The following CCNB3 variants were observed in gnomAD, a reference collection of about 807,000 sequenced individuals.
CCNB3 encodes the protein cyclin B3.
In CCNB3, 12 loss-of-function variants were observed where a neutral mutation model predicts 68.0. The observed-to-expected ratio is 0.18, with a 90% CI of 0.11 to 0.29. The LOEUF is 0.29. Ranked by LOEUF, CCNB3 falls within the 10% of genes least tolerant of loss-of-function variation. CCNB3 has a pLI of 1.00. For synonymous variants in CCNB3, 354 were observed against 388.9 expected (o/e 0.91, Z 1.06); for missense variants, 904 against 993.1 (o/e 0.91, Z 1.21).
intron 1 of CCNB3, among the ~76,000 whole-genome samples, chrX:50,226,202 A>C (rs1388215085): frequency 3.3e-4 from 22 of 65,798 alleles, no homozygotes; most frequent in African/African-American, 1.5e-3. Context: ...TATATATAGA[A>C]TATATATATT....
chrX:50,311,436 T>A lies in CCNB3; in HGVS notation c.3267T>A (p.Ser1089Arg). Residue 1089 changes from serine to arginine, a missense_variant, in exon 6 of 13, where the codon AGT becomes AGA. Physicochemically the swap from Ser to Arg is moderately radical, Grantham distance 110. Transcript: ENST00000376042. The stretch of plus-strand genomic sequence containing the variant: ...AGTCCAGGACCACCACCGAGTCCAG[T>A]GCATGTGAATCTGCTTCTGATAAAC... ...VGKSRTTTES[S>R]ACESASDKPV... 1 of 1,209,975 alleles carries A rather than the reference T, an allele frequency of 8.3e-7. No homozygotes were observed.
At chrX:50,319,587 C>T (rs1306186112) in intron 8 of CCNB3, among the ~76,000 whole-genome samples, 2 of 110,722 alleles carry the variant, frequency 1.8e-5, no homozygotes, top group Non-Finnish European at 3.8e-5. Flanking sequence ...TTCTAATCTC[C>T]ATGCTTTTTA....
intron 11 of CCNB3, among the ~76,000 whole-genome samples, chrX:50,348,109 G>A (rs1923495270): frequency 9.0e-6 from 1 of 111,005 alleles, no homozygotes; most frequent in Non-Finnish European, 1.9e-5. Flanking sequence ...TTCCCCTCTT[G>A]CCTCTTGCAA....
Position 50,309,620 on chromosome X carries a change from C to A in CCNB3, c.1451C>A (p.Pro484His). 8.3e-7 allele frequency: 1 copy of A among 1,211,154 alleles called. No homozygotes were observed. Among genetic ancestry groups the A allele is most frequent in the Non-Finnish European group, 1.1e-6 (1 of 895,332 alleles). The change falls in exon 6 of 13, where the codon CCC becomes CAC. Residue 484 changes from proline to histidine, a missense_variant. Transcript: ENST00000376042. The part of the protein sequence containing the change: ...TKKCTIEEAP[P>H]TKKPLILKRK... ...AAGTGTACCATTGAGGAGGCACCCC[C>A]CACCAAGAAGCCTTTAATTTTAAAG... is the stretch of plus-strand genomic sequence containing the variant.
Position 50,228,607 on chromosome X carries a change from G to A in CCNB3, c.-113+23657G>A, listed in dbSNP as rs1348961445. Among the ~76,000 whole-genome samples, 7 of 79,589 alleles carry A rather than the reference G, an allele frequency of 8.8e-5. No individual in the cohort carries two copies. The East Asian group carries it at 2.2e-3, about 25-fold the overall frequency. The allele number at this position is 79,589 out of a possible 115,157, so 69.1% of individuals were successfully genotyped here. On this transcript the variant is annotated intron_variant, in intron 1 of 12. Coordinates refer to ENST00000376042, the MANE Select transcript of CCNB3 (RefSeq NM_033031.3). ...ATATAGAATATAGATAATATATATA[G>A]AATATATAGAATATATATAGAATAT...
intron 9 of CCNB3, among the ~76,000 whole-genome samples, chrX:50,344,855 G>A (rs1291173389): frequency 1.8e-5 from 2 of 111,477 alleles, no homozygotes; most frequent in Non-Finnish European, 3.8e-5. Flanking sequence ...CCTTCCTTAG[G>A]TGCTAACTGA....
In CCNB3 at chrX:50,312,758, A is replaced by G. The variant is rs549265627; in HGVS notation, c.3423+126A>G. The stretch of plus-strand genomic sequence containing the variant: ...AAAAATAATAATAGCAACAACTAAC[A>G]TATTGGTAGCTTACTGTGAGTTGGA... On this transcript the variant is annotated intron_variant, in intron 7 of 12. Transcript: ENST00000376042. 1.0e-4 allele frequency: 47 copies of G among 465,675 alleles called. No homozygotes were observed. In the South Asian group the frequency reaches 1.6e-3, roughly 16 times the overall value. The allele number at this position is 465,675 out of a possible 1,213,427, so 38.4% of individuals were successfully genotyped here. A position where few individuals can be genotyped will look rare whatever the true frequency, so the allele number is the denominator to read the frequency against.
At chrX:50,219,086 T>C (rs1935629361) in intron 1 of CCNB3, among the ~76,000 whole-genome samples, 3 of 112,184 alleles carry the variant, frequency 2.7e-5, no homozygotes, top group Non-Finnish European at 5.6e-5. Flanking sequence ...AAGTGTCTGT[T>C]CATATCCTTT....
chrX:50,207,161 A>G (rs76638387), intron 1 of CCNB3, among the ~76,000 whole-genome samples: 2 of 111,945 alleles, frequency 1.8e-5, no homozygotes, highest in Non-Finnish European at 3.8e-5. Context: ...AGATATGTAT[A>G]GGTTCAAGGA....
At chrX:50,291,874 T>C (rs974846379) in intron 4 of CCNB3, among the ~76,000 whole-genome samples, 1 of 111,967 alleles carries the variant, frequency 8.9e-6, no homozygotes, top group Non-Finnish European at 1.9e-5. Context: ...CCTATTGGAC[T>C]GTAGTTGTTT....
upstream of CCNB3, among the ~76,000 whole-genome samples, chrX:50,204,302 G>T (rs1935312356): frequency 9.0e-6 from 1 of 111,728 alleles, no homozygotes; most frequent in African/African-American, 3.3e-5. Context: ...CACCTGGAGG[G>T]CTTCAGTTTC....
At position 50,298,040 on chromosome X, in the gene CCNB3, A is replaced by G. The variant is rs1209457509; in HGVS notation, c.335+3047A>G. On this transcript the variant is annotated intron_variant, in intron 5 of 12. Coordinates refer to ENST00000376042, the MANE Select transcript of CCNB3 (RefSeq NM_033031.3). ...CTTAAGGAGATTTTGGGCTGAGACA[A>G]TGGGGTTTTCTAGATATACAATCAT... Among the ~76,000 whole-genome samples, 32 of 111,693 alleles carry G rather than the reference A, an allele frequency of 2.9e-4. No homozygotes were observed. In the Admixed American group the frequency reaches 3.0e-3, roughly 11 times the overall value.
intron 8 of CCNB3, among the ~76,000 whole-genome samples, chrX:50,326,891 G>A (rs887541458): frequency 2.7e-5 from 3 of 112,102 alleles, no homozygotes; most frequent in African/African-American, 9.7e-5. Context: ...TGATCTTTGA[G>A]TTTTGGAATT....
chrX:50,310,995 G>A lies in CCNB3; in HGVS notation c.2826G>A (p.Glu942=), dbSNP rs781888534. ...ATGAGAAACCCACCACTGGGAAGGA[G>A]TTGTCCTTCAAGGAGCCATTAGCCT... ...ALNEKPTTGK[E]LSFKEPLALQ... is the part of the protein sequence containing the mutation. The change falls in exon 6 of 13, where the codon GAG becomes GAA. Residue 942 remains glutamate (E), a synonymous_variant. Transcript: ENST00000376042. 1.7e-5 allele frequency: 20 copies of A among 1,211,443 alleles called. No homozygotes were observed. The South Asian group carries it at 3.0e-4, about 18-fold the overall frequency.
chrX:50,280,151 AAT>A (rs1936101485), intron 1 of CCNB3, among the ~76,000 whole-genome samples: 1 of 93,477 alleles, frequency 1.1e-5, no homozygotes, highest in South Asian at 4.5e-4. Context: ...ATATATATAG[AAT>A]ATATATAAAT....
rs201056254 is a variant in CCNB3 at position 50,345,570 on chromosome X, A to G, written c.3655-1082A>G. Among the ~76,000 whole-genome samples the G allele has an allele frequency of 5.6e-5, 6 of 106,868 alleles. No individual in the cohort carries two copies. The East Asian group carries it at 1.8e-3, about 32-fold the overall frequency. The allele number at this position is 106,868 out of a possible 115,157, so 92.8% of individuals were successfully genotyped here. On this transcript the variant is annotated intron_variant, in intron 9 of 12. Coordinates refer to ENST00000376042, the MANE Select transcript of CCNB3 (RefSeq NM_033031.3). ...TGCCCACTCTCTCCCTTCCTTTTTT[A>G]CTCTGGGTACTTCTTAGCAAATCCT...
At chrX:50,338,441 A>G (rs1401018194) in intron 8 of CCNB3, among the ~76,000 whole-genome samples, 1 of 112,106 alleles carries the variant, frequency 8.9e-6, no homozygotes, top group Non-Finnish European at 1.9e-5. Context: ...GACATGATCG[A>G]TTGAGCAAGC....
chrX:50,279,571 TC>T (rs1468198039), intron 1 of CCNB3, among the ~76,000 whole-genome samples: 29 of 87,427 alleles, frequency 3.3e-4, no homozygotes, highest in African/African-American at 1.0e-3. Context: ...ATATATATTT[TC>T]TATATATAAA....
At chrX:50,304,634 A>G (rs782318460) in intron 5 of CCNB3, among the ~76,000 whole-genome samples, 102 of 112,151 alleles carry the variant, frequency 9.1e-4, no homozygotes, top group African/African-American at 3.2e-3. Flanking sequence ...AATGGCAACC[A>G]AAGCCAAAAT....
Sources: gnomAD v4.1 joint callset for allele counts (sites outside exome capture counted in the v4.1 genomes callset) on GRCh38, gnomAD v4.1.1 for gene constraint, MANE v1.5 for transcripts, NCBI Gene and HGNC (gene_info 2026-07-23, HGNC 2026-07-21) for gene names.